ADGRA3: variants seen among roughly 807,000 people sequenced by gnomAD.
The protein encoded by ADGRA3 is G-protein coupled receptor 125.
In ADGRA3, 56 loss-of-function variants were observed where a neutral mutation model predicts 119.8. The ratio of observed to expected loss-of-function variants is 0.47; its 90% CI spans 0.38 to 0.58. ADGRA3 has a LOEUF of 0.58. Among genes scored for constraint, ADGRA3 ranks in the 20% least tolerant of loss-of-function variants. The pLI, the probability that ADGRA3 is intolerant of heterozygous loss-of-function variation, is 0.00. For synonymous variants in ADGRA3, 607 were observed against 623.8 expected (o/e 0.97, Z 0.40); for missense variants, 1,516 against 1,649.0 (o/e 0.92, Z 1.40).
intron 1 of ADGRA3, among the ~76,000 whole-genome samples, chr4:22,513,673 G>C (rs1404655940): frequency 6.6e-6 from 1 of 150,544 alleles, no homozygotes; most frequent in Non-Finnish European, 1.5e-5. Context: ...CACTACGCCT[G>C]GCTAATTTTT....
chr4:22,433,668 C>T (rs530481603), intron 10 of ADGRA3, among the ~76,000 whole-genome samples: 6 of 152,252 alleles, frequency 3.9e-5, no homozygotes, highest in Non-Finnish European at 7.3e-5. Flanking sequence ...ATGTATTCTT[C>T]GATGGCGAAT....
chr4:22,445,006 C>G lies in ADGRA3; in HGVS notation c.673G>C (p.Val225Leu), dbSNP rs750838186. ...VYPKSLQAQP[V>L]TGVKQELLTC... ...AACAGCTCCTGCTTCACGCCTGTGA[C>G]TGGTTGGGCCTGCAGTGACTTAGGA... Residue 225 changes from valine (V) to leucine (L), a missense_variant, in exon 6 of 19, where the codon GTC (valine) becomes CTC (leucine). Physicochemically the swap from Val to Leu is conservative, Grantham distance 32. Transcript: ENST00000334304. The G allele has an allele frequency of 6.2e-7, 1 of 1,613,624 alleles. No homozygotes were observed. The highest frequency in any genetic ancestry group is 1.7e-5 in the Admixed American group (1 of 60,004).
intron 1 of ADGRA3, among the ~76,000 whole-genome samples, chr4:22,497,384 T>G (rs1476806496): frequency 6.6e-6 from 1 of 152,040 alleles, no homozygotes; most frequent in African/African-American, 2.4e-5. Context: ...GTTTCTGACA[T>G]GACACCCTGC....
At chr4:22,458,268 G>A (rs1577360804) in intron 3 of ADGRA3, among the ~76,000 whole-genome samples, 1 of 152,138 alleles carries the variant, frequency 6.6e-6, no homozygotes, top group Non-Finnish European at 1.5e-5. Context: ...CAAAGAAAGT[G>A]AGTCACTGCT....
chr4:22,399,117 T>C (rs1467706476), intron 16 of ADGRA3, among the ~76,000 whole-genome samples: 3 of 152,224 alleles, frequency 2.0e-5, no homozygotes, highest in Non-Finnish European at 4.4e-5. Context: ...ACCCCCATGC[T>C]GTTGAACATT....
intron 14 of ADGRA3, among the ~76,000 whole-genome samples, chr4:22,406,035 A>C (rs1011033345): frequency 3.3e-5 from 5 of 151,986 alleles, no homozygotes; most frequent in African/African-American, 9.7e-5. Context: ...CAACTTTTTC[A>C]GCTCCCACAT....
chr4:22,457,853 T>C (rs35926750), intron 3 of ADGRA3, among the ~76,000 whole-genome samples: 24 of 140,540 alleles, frequency 1.7e-4, no homozygotes, highest in East Asian at 1.2e-3. Flanking sequence ...ATTAAGATAG[T>C]CTGCAGTATC....
chr4:22,425,497 G>C (rs1419247286), intron 10 of ADGRA3, among the ~76,000 whole-genome samples: 1 of 152,188 alleles, frequency 6.6e-6, no homozygotes, highest in Non-Finnish European at 1.5e-5. Flanking sequence ...CTGGTGTCAA[G>C]AGGATTTTGT....
At chr4:22,500,944 A>G (rs934899529) in intron 1 of ADGRA3, among the ~76,000 whole-genome samples, 17 of 152,192 alleles carry the variant, frequency 1.1e-4, no homozygotes, top group Non-Finnish European at 2.5e-4. Context: ...GCTCTGTGCT[A>G]GAGCTGAGAC....
At chr4:22,466,616 A>G (rs1370623809) in intron 2 of ADGRA3, among the ~76,000 whole-genome samples, 1 of 151,996 alleles carries the variant, frequency 6.6e-6, no homozygotes, top group Non-Finnish European at 1.5e-5. Context: ...AGTCCCAGCT[A>G]CTCAGGAGGC....
At chr4:22,485,692 T>G (rs1226260544) in intron 1 of ADGRA3, among the ~76,000 whole-genome samples, 1 of 152,214 alleles carries the variant, frequency 6.6e-6, no homozygotes, top group Non-Finnish European at 1.5e-5. Context: ...GAACTGCCTT[T>G]ACTTTTAGGT....
chr4:22,510,782 C>A (rs1719423145), intron 1 of ADGRA3, among the ~76,000 whole-genome samples: 1 of 152,108 alleles, frequency 6.6e-6, no homozygotes, highest in African/African-American at 2.4e-5. Context: ...CCAAGGACTC[C>A]CCAGCCACAC....
intron 16 of ADGRA3, among the ~76,000 whole-genome samples, chr4:22,400,476 G>A (rs1360173274): frequency 6.6e-6 from 1 of 152,116 alleles, no homozygotes; most frequent in African/African-American, 2.4e-5. Context: ...CTTATATGAG[G>A]TATCTGAAGT....
At chr4:22,497,300 A>T (rs1301418839) in intron 1 of ADGRA3, among the ~76,000 whole-genome samples, 2 of 152,120 alleles carry the variant, frequency 1.3e-5, no homozygotes, top group African/African-American at 2.4e-5. Flanking sequence ...AACTTTTTTT[A>T]AAAAGTGTGT....
intron 1 of ADGRA3, among the ~76,000 whole-genome samples, chr4:22,505,805 A>G (rs1178451737): frequency 6.6e-6 from 1 of 152,150 alleles, no homozygotes. Flanking sequence ...AACAGCTAGA[A>G]GGCAAGAGGT....
intron 1 of ADGRA3, among the ~76,000 whole-genome samples, chr4:22,494,028 C>G (rs990945882): frequency 6.6e-6 from 1 of 151,958 alleles, no homozygotes; most frequent in African/African-American, 2.4e-5. Context: ...CATGGTGAAA[C>G]CCCGTCTCTA....
In ADGRA3 at chr4:22,402,656, G is replaced by T; in HGVS notation, c.2357+19C>A. The T allele has an allele frequency of 6.2e-7, 1 of 1,605,392 alleles. No individual in the cohort carries two copies. Among genetic ancestry groups the T allele is most frequent in the Non-Finnish European group, 8.5e-7 (1 of 1,177,290 alleles). On this transcript the variant is annotated intron_variant, in intron 15 of 18. Transcript: ENST00000334304. ...AAATCAAAGTCCGCAGATCTATTTT[G>T]TCGAGATGTATTTCTTACCTGTGAT...
chr4:22,442,225 G>A (rs1202149853), intron 7 of ADGRA3, among the ~76,000 whole-genome samples: 4 of 152,012 alleles, frequency 2.6e-5, no homozygotes, highest in African/African-American at 9.7e-5. Context: ...TAGTTCAGAT[G>A]TTATATTCTT....
intron 12 of ADGRA3, chr4:22,414,371 A>C (rs1355752270): frequency 2.5e-6 from 1 of 397,076 alleles, no homozygotes; most frequent in African/African-American, 2.1e-5. Context: ...AGAAAAAAAA[A>C]ATAATAACAC....
Sources: gnomAD v4.1 joint callset for allele counts (sites outside exome capture counted in the v4.1 genomes callset) on GRCh38, gnomAD v4.1.1 for gene constraint, MANE v1.5 for transcripts, NCBI Gene and HGNC (gene_info 2026-07-23, HGNC 2026-07-21) for gene names.